TMEM132D: variants seen among roughly 807,000 people sequenced by gnomAD.
TMEM132D encodes the protein mature OL transmembrane protein.
In TMEM132D, 21 loss-of-function variants were observed where a neutral mutation model predicts 62.3. That is an observed-to-expected ratio of 0.34 (90% CI 0.24 to 0.49). The LOEUF is 0.49. TMEM132D is among the 20% of genes least tolerant of loss of function. The pLI, the probability that TMEM132D is intolerant of heterozygous loss-of-function variation, is 0.99. For missense variants in TMEM132D, 1,346 were observed against 1,402.8 expected (o/e 0.96, Z 0.65); for synonymous variants, 621 against 575.6 (o/e 1.08, Z -1.13).
intron 4 of TMEM132D, among the ~76,000 whole-genome samples, chr12:129,246,020 G>A (rs763510994): frequency 1.4e-4 from 22 of 152,262 alleles, no homozygotes; most frequent in Non-Finnish European, 2.1e-4. Flanking sequence ...ACGTAGTTGC[G>A]TGGTTTGTCA....
At chr12:129,761,419 C>T (rs1410286677) in intron 1 of TMEM132D, among the ~76,000 whole-genome samples, 1 of 152,144 alleles carries the variant, frequency 6.6e-6, no homozygotes, top group African/African-American at 2.4e-5. Context: ...GCCCACAGAG[C>T]TATGAACTAG....
intron 1 of TMEM132D, among the ~76,000 whole-genome samples, chr12:129,833,768 C>T (rs1051377584): frequency 6.6e-6 from 1 of 152,226 alleles, no homozygotes; most frequent in Non-Finnish European, 1.5e-5. Flanking sequence ...GCTCTAGCTT[C>T]CACTCCTCTG....
chr12:129,744,420 T>C (rs1220115220), intron 1 of TMEM132D, among the ~76,000 whole-genome samples: 2 of 152,182 alleles, frequency 1.3e-5, no homozygotes, highest in African/African-American at 4.8e-5. Flanking sequence ...AGATTTCATA[T>C]TGCCCCAGCT....
At chr12:129,184,105 CTA>C (rs1430272865) in intron 5 of TMEM132D, among the ~76,000 whole-genome samples, 1 of 152,190 alleles carries the variant, frequency 6.6e-6, no homozygotes, top group African/African-American at 2.4e-5. Flanking sequence ...TGAAGACCCA[CTA>C]TGTCACCCAC....
intron 3 of TMEM132D, among the ~76,000 whole-genome samples, chr12:129,434,105 C>A (rs1442106011): frequency 2.0e-5 from 3 of 152,148 alleles, no homozygotes; most frequent in African/African-American, 7.2e-5. Flanking sequence ...GATCAACATT[C>A]TAGATCTCGT....
At position 129,699,855 on chromosome 12, in the gene TMEM132D, G is replaced by A. The variant is rs2137225243; in HGVS notation, c.923C>T (p.Pro308Leu). Residue 308 changes from proline to leucine, a missense_variant, in exon 2 of 9, where the codon CCT (proline) becomes CTT (leucine). Pro to Leu is a moderately conservative substitution (Grantham distance 98). Coordinates refer to ENST00000422113, the MANE Select transcript of TMEM132D (RefSeq NM_133448.3). The part of the protein sequence containing the change: ...TVRKGDVLTF[P>L]VSISRNSTED... ...AGTGGAATTTCTGGAGATGGAAACA[G>A]GAAAAGTCAGCACGTCTCCTTTCCT... The A allele has an allele frequency of 6.2e-7, 1 of 1,614,168 alleles. No individual in the cohort carries two copies. Among genetic ancestry groups the A allele is most frequent in the Non-Finnish European group, 8.5e-7 (1 of 1,180,036 alleles).
At chr12:129,583,686 G>C (rs190119761) in intron 2 of TMEM132D, among the ~76,000 whole-genome samples, 2 of 152,118 alleles carry the variant, frequency 1.3e-5, no homozygotes, top group Non-Finnish European at 2.9e-5. Flanking sequence ...AGACCCGTGG[G>C]GGGTGAGCTT....
chr12:129,080,582 T>C (rs1390451513), intron 7 of TMEM132D, among the ~76,000 whole-genome samples: 1 of 152,222 alleles, frequency 6.6e-6, no homozygotes, highest in Non-Finnish European at 1.5e-5. Flanking sequence ...GTTATAATGA[T>C]TCCTCATGCA....
intron 4 of TMEM132D, among the ~76,000 whole-genome samples, chr12:129,323,595 C>T (rs1348033264): frequency 6.6e-6 from 1 of 152,138 alleles, no homozygotes; most frequent in Non-Finnish European, 1.5e-5. Flanking sequence ...TTGTCAAATC[C>T]TTTTTGATGG....
chr12:129,353,151 T>A (rs10773640), intron 3 of TMEM132D, among the ~76,000 whole-genome samples: 147,719 of 150,026 alleles, frequency 0.98, 72,756 homozygotes, highest in Middle Eastern at 1. Context: ...CTTTTTATCC[T>A]GGAAGATTCC....
intron 3 of TMEM132D, among the ~76,000 whole-genome samples, chr12:129,468,774 C>G (rs1874002952): frequency 6.6e-6 from 1 of 152,246 alleles, no homozygotes; most frequent in Non-Finnish European, 1.5e-5. Context: ...TTCCCTCTGA[C>G]AGCCATATAT....
At chr12:129,599,278 T>C (rs1217629123) in intron 2 of TMEM132D, among the ~76,000 whole-genome samples, 1 of 152,242 alleles carries the variant, frequency 6.6e-6, no homozygotes, top group Admixed American at 6.5e-5. Flanking sequence ...TTCTGTCACT[T>C]GCAATTAACA....
At chr12:129,368,262 T>TGTGTGC (rs1351998540) in intron 3 of TMEM132D, among the ~76,000 whole-genome samples, 1 of 151,230 alleles carries the variant, frequency 6.6e-6, no homozygotes, top group Non-Finnish European at 1.5e-5. Context: ...TGTGTGTGTG[T>TGTGTGC]GTACACATAC....
At chr12:129,497,803 G>A (rs1234562663) in intron 3 of TMEM132D, among the ~76,000 whole-genome samples, 1 of 152,044 alleles carries the variant, frequency 6.6e-6, no homozygotes, top group East Asian at 1.9e-4. Flanking sequence ...GGGACTACAG[G>A]TGCACACTAC....
At chr12:129,412,432 G>A (rs1028241679) in intron 3 of TMEM132D, among the ~76,000 whole-genome samples, 1 of 152,158 alleles carries the variant, frequency 6.6e-6, no homozygotes, top group African/African-American at 2.4e-5. Flanking sequence ...TGGGGGGTGG[G>A]TGTGGCTTTG....
intron 2 of TMEM132D, among the ~76,000 whole-genome samples, chr12:129,541,655 T>C (rs1032901035): frequency 2.6e-5 from 4 of 152,178 alleles, no homozygotes; most frequent in African/African-American, 4.8e-5. Flanking sequence ...ATGTCAATGA[T>C]TGGGATGTGG....
chr12:129,369,657 C>T (rs1281703124), intron 3 of TMEM132D, among the ~76,000 whole-genome samples: 1 of 152,204 alleles, frequency 6.6e-6, no homozygotes, highest in Non-Finnish European at 1.5e-5. Flanking sequence ...AATAGTGGGG[C>T]TCTGTCTGCC....
At chr12:129,200,693 C>A (rs958434159) in intron 5 of TMEM132D, among the ~76,000 whole-genome samples, 2 of 152,170 alleles carry the variant, frequency 1.3e-5, no homozygotes, top group Admixed American at 6.5e-5. Flanking sequence ...AGCTGGATTG[C>A]AGAAAGAGAA....
At chr12:129,336,534 C>T (rs770525020) in intron 4 of TMEM132D, among the ~76,000 whole-genome samples, 5 of 151,580 alleles carry the variant, frequency 3.3e-5, no homozygotes, top group African/African-American at 4.9e-5. Context: ...ATCGCACCAC[C>T]GCACTCCAGC....
Sources: gnomAD v4.1 joint callset for allele counts (sites outside exome capture counted in the v4.1 genomes callset) on GRCh38, gnomAD v4.1.1 for gene constraint, MANE v1.5 for transcripts, NCBI Gene and HGNC (gene_info 2026-07-23, HGNC 2026-07-21) for gene names.